FSIP1: variants seen among roughly 807,000 people sequenced by gnomAD.
The protein encoded by FSIP1 is fibrous sheath interacting protein 1.
Under a neutral mutation model 60.9 loss-of-function variants are expected in FSIP1, and 65 were observed. The ratio of observed to expected loss-of-function variants is 1.07; its 90% CI spans 0.87 to 1.31. FSIP1 has a LOEUF of 1.31. Ranked by LOEUF, FSIP1 falls within the 40% of genes most tolerant of loss-of-function variation. The pLI is 0.00. For missense variants in FSIP1, 675 were observed against 665.5 expected (o/e 1.01, Z -0.16); for synonymous variants, 209 against 221.2 (o/e 0.94, Z 0.49).
chr15:39,653,733 G>A (rs1436359520), intron 10 of FSIP1, among the ~76,000 whole-genome samples: 1 of 152,082 alleles, frequency 6.6e-6, no homozygotes, highest in African/African-American at 2.4e-5. Flanking sequence ...CCTTGCACAA[G>A]CCCTTTCTCT....
chr15:39,704,466 T>C lies in FSIP1; in HGVS notation c.1188+8978A>G, dbSNP rs75018595. 7.7e-3 allele frequency among the ~76,000 whole-genome samples: 1,175 copies of C among 152,348 alleles called. 57 individuals are homozygous for C. Among genetic ancestry groups the C allele is most frequent in the East Asian group, 3.7e-3 (19 of 5,188 alleles). ...AGCTTAAAGGTTTTAGAATAAAGCCTACATTTGTGGGTGGCCACAAATCTT... is the reference window on the plus strand; with the variant it reads ...AGCTTAAAGGTTTTAGAATAAAGCCCACATTTGTGGGTGGCCACAAATCTT... On this transcript the variant is annotated intron_variant, in intron 10 of 11. Coordinates refer to ENST00000350221, the MANE Select transcript of FSIP1 (RefSeq NM_152597.5).
rs769985462 is a variant in FSIP1, at chr15:39,600,887, TC to T, written c.1738del (p.Glu580AsnfsTer54). 6.2e-7 allele frequency: 1 copy of T among 1,609,800 alleles called. No homozygotes were observed. Among genetic ancestry groups the T allele is most frequent in the Admixed American group, 1.7e-5 (1 of 58,986 alleles). On this transcript the variant is annotated frameshift_variant, in exon 12 of 12. Coordinates refer to ENST00000350221, the MANE Select transcript of FSIP1 (RefSeq NM_152597.5). LOFTEE classifies it high-confidence loss of function. ...ETKDAAEECKEP is the reference protein window; with the variant it reads ...ETKDAAEECKXP ...CACCCAGCAAGTCCTTGATTAGGGT[TC>T]TTTACATTCTTCTGCTGCATCTTTA...
intron 2 of FSIP1, among the ~76,000 whole-genome samples, chr15:39,773,526 G>C (rs142246266): frequency 8.5e-5 from 13 of 152,308 alleles, no homozygotes; most frequent in African/African-American, 2.9e-4. Flanking sequence ...ATATTAATCT[G>C]TGTATTAAAA....
chr15:39,661,178 G>C (rs1260188653), intron 10 of FSIP1, among the ~76,000 whole-genome samples: 1 of 151,894 alleles, frequency 6.6e-6, no homozygotes, highest in African/African-American at 2.4e-5. Context: ...TGCAAACTAG[G>C]GACTTCAAAA....
intron 1 of FSIP1, among the ~76,000 whole-genome samples, chr15:39,777,123 G>A (rs1376732530): frequency 5.3e-5 from 8 of 151,818 alleles, no homozygotes; most frequent in African/African-American, 1.2e-4. Flanking sequence ...TAGTAGAGAC[G>A]GGGTTTCGCC....
chr15:39,727,848 T>C (rs912581070), intron 8 of FSIP1, among the ~76,000 whole-genome samples: 7 of 152,184 alleles, frequency 4.6e-5, no homozygotes, highest in African/African-American at 1.7e-4. Context: ...AGTTCAACTA[T>C]CTCTGTTTGC....
At chr15:39,671,070 A>G (rs1566878398) in intron 10 of FSIP1, among the ~76,000 whole-genome samples, 1 of 152,206 alleles carries the variant, frequency 6.6e-6, no homozygotes, top group African/African-American at 2.4e-5. Flanking sequence ...TTAATGTGTA[A>G]TCATTTACAG....
chr15:39,677,921 G>A (rs867045931), intron 10 of FSIP1, among the ~76,000 whole-genome samples: 4 of 151,998 alleles, frequency 2.6e-5, no homozygotes, highest in Non-Finnish European at 5.9e-5. Context: ...ACTTGAACCA[G>A]GGAGTTGGAG....
At chr15:39,769,651 G>T (rs905880965) in intron 3 of FSIP1, among the ~76,000 whole-genome samples, 5 of 152,186 alleles carry the variant, frequency 3.3e-5, no homozygotes, top group African/African-American at 1.2e-4. Context: ...ATGTTAAGAA[G>T]ATGCATATTT....
At chr15:39,674,540 G>A (rs752302808) in intron 10 of FSIP1, among the ~76,000 whole-genome samples, 3 of 151,768 alleles carry the variant, frequency 2.0e-5, no homozygotes, top group Non-Finnish European at 2.9e-5. Context: ...TGGACAGGGA[G>A]AGACATATTG....
chr15:39,749,263 C>CAAAAAAAAAAAAGAAA (rs1897091751), intron 5 of FSIP1, among the ~76,000 whole-genome samples: 1 of 98,326 alleles, frequency 1.0e-5, no homozygotes, highest in East Asian at 2.5e-4. Flanking sequence ...TAAACTCTTC[C>CAAAAAAAAAAAAGAAA]AAAAAAAAAA....
chr15:39,620,377 C>T (rs1409477035), intron 10 of FSIP1, among the ~76,000 whole-genome samples: 1 of 151,808 alleles, frequency 6.6e-6, no homozygotes, highest in Non-Finnish European at 1.5e-5. Flanking sequence ...ATGTCTAAAA[C>T]TAATCAATTA....
At chr15:39,746,280 A>G (rs978711463) in intron 5 of FSIP1, among the ~76,000 whole-genome samples, 1 of 152,134 alleles carries the variant, frequency 6.6e-6, no homozygotes, top group African/African-American at 2.4e-5. Context: ...ACTTAGATCT[A>G]GATGGAAAGC....
intron 11 of FSIP1, among the ~76,000 whole-genome samples, chr15:39,604,338 A>G (rs1315765406): frequency 6.6e-6 from 1 of 152,222 alleles, no homozygotes; most frequent in Non-Finnish European, 1.5e-5. Flanking sequence ...ACTTTACCCA[A>G]TTTGAATGAA....
At chr15:39,597,846 G>A (rs1034265909), downstream of FSIP1, 1 of 152,174 alleles carries the variant, frequency 6.6e-6, no homozygotes, top group Non-Finnish European at 1.5e-5. Flanking sequence ...CTCTCACAGC[G>A]ACATTTTCTG....
At chr15:39,625,353 AG>A in intron 10 of FSIP1, among the ~76,000 whole-genome samples, 1 of 152,296 alleles carries the variant, frequency 6.6e-6, no homozygotes, top group African/African-American at 2.4e-5. Context: ...TAGAAGCAGG[AG>A]GTAGGATTCT....
chr15:39,774,749 C>T (rs1284852042), intron 2 of FSIP1, among the ~76,000 whole-genome samples: 1 of 152,192 alleles, frequency 6.6e-6, no homozygotes, highest in Admixed American at 6.5e-5. Context: ...GTAGAAGCAT[C>T]GTCCTAAGTT....
chr15:39,652,082 C>A (rs1566870095), intron 10 of FSIP1, among the ~76,000 whole-genome samples: 1 of 152,166 alleles, frequency 6.6e-6, no homozygotes, highest in Non-Finnish European at 1.5e-5. Context: ...ATGTCAATAA[C>A]CAGCTGTGTG....
chr15:39,751,567 C>T (rs1327537571), intron 5 of FSIP1, among the ~76,000 whole-genome samples: 1 of 151,092 alleles, frequency 6.6e-6, no homozygotes, highest in Non-Finnish European at 1.5e-5. Flanking sequence ...AAAAATACCG[C>T]ATGATCATGA....
Sources: allele counts gnomAD v4.1 joint callset (sites outside exome capture counted in the v4.1 genomes callset), GRCh38; gene constraint gnomAD v4.1.1; transcripts MANE v1.5; gene names NCBI Gene and HGNC (gene_info 2026-07-23, HGNC 2026-07-21).